Variants in DOCK1 observed in about 807,000 individuals in gnomAD.
The protein encoded by DOCK1 is dedicator of cytokinesis 1.
In DOCK1, 138 loss-of-function variants were observed where a neutral mutation model predicts 262.7. The ratio of observed to expected loss-of-function variants is 0.53; its 90% confidence interval spans 0.46 to 0.61. The LOEUF is 0.61. Ranked by LOEUF, DOCK1 falls within the 20% of genes least tolerant of loss-of-function variation. The pLI, the probability that DOCK1 is intolerant of heterozygous loss-of-function variation, is 0.00. For synonymous variants in DOCK1, 866 were observed against 867.4 expected (o/e 1.00, Z 0.03); for missense variants, 1,908 against 2,370.7 (o/e 0.80, Z 4.05).
At chr10:127,140,458 T>C (rs543230099) in intron 27 of DOCK1, among the ~76,000 whole-genome samples, 2 of 152,182 alleles carry the variant, frequency 1.3e-5, no homozygotes, top group Admixed American at 1.3e-4. Flanking sequence ...CCCCAGCCCA[T>C]CTCCCCATCT....
intron 38 of DOCK1, among the ~76,000 whole-genome samples, chr10:127,396,586 G>A (rs1196054775): frequency 6.6e-6 from 1 of 152,150 alleles, no homozygotes; most frequent in African/African-American, 2.4e-5. Context: ...GTGGCCAGTA[G>A]CTGCCTGTGG....
chr10:127,154,526 A>G (rs1289602252), intron 27 of DOCK1, among the ~76,000 whole-genome samples: 1 of 152,264 alleles, frequency 6.6e-6, no homozygotes, highest in Non-Finnish European at 1.5e-5. Context: ...GAAAATTTTT[A>G]TGAAAATACC....
Position 127,032,230 on chromosome 10 carries a change from A to C in DOCK1, c.1822A>C (p.Lys608Gln). 1.9e-6 allele frequency: 3 copies of C among 1,601,662 alleles called. No individual in the cohort carries two copies. Among genetic ancestry groups the C allele is most frequent in the Non-Finnish European group, 2.6e-6 (3 of 1,174,030 alleles). Residue 608 changes from lysine to glutamine, a missense_variant, in exon 18 of 52, where the codon AAG (lysine) becomes CAG (glutamine). Around this residue, in one of 9 missense-constraint regions of DOCK1, gnomAD observed 294 missense variants for 439.9 expected, o/e 0.67. Transcript: ENST00000623213. ...LEEKGHSATG[K>Q]SMQSLGSCTI... Reference sequence around the variant, plus strand: ...AGAAAAGGGCCACTCGGCCACCGGCAAGAGCATGCAGAGCCTTGGGAGCTG... The same window carrying C: ...AGAAAAGGGCCACTCGGCCACCGGCCAGAGCATGCAGAGCCTTGGGAGCTG...
intron 29 of DOCK1, among the ~76,000 whole-genome samples, chr10:127,321,421 A>G (rs1290569782): frequency 3.0e-5 from 4 of 134,150 alleles, no homozygotes; most frequent in African/African-American, 1.2e-4. Flanking sequence ...CTCTTTTCTC[A>G]GCCTTCTTTT....
chr10:127,022,970 G>A (rs2042552360), intron 13 of DOCK1, among the ~76,000 whole-genome samples: 1 of 152,116 alleles, frequency 6.6e-6, no homozygotes, highest in Admixed American at 6.6e-5. Flanking sequence ...TGATAACCAA[G>A]CAGATCATTG....
chr10:127,032,292 C>T lies in DOCK1; in HGVS notation c.1884C>T (p.Leu628=), dbSNP rs767446948. 18 of 1,579,760 alleles carry T rather than the reference C, an allele frequency of 1.1e-5. No individual in the cohort carries two copies. The highest frequency in any genetic ancestry group is 3.5e-5 in the South Asian group (3 of 84,758). ...AGGACTCCTTCCAGATCTCCACGCTCGTGTGCTCCACCAAACTGACTCAGA... is the reference window on the plus strand; with the variant it reads ...AGGACTCCTTCCAGATCTCCACGCTTGTGTGCTCCACCAAACTGACTCAGA... ...ISKDSFQIST[L]VCSTKLTQNV... Residue 628 remains leucine (L), a synonymous_variant, in exon 18 of 52, where the codon CTC becomes CTT. Transcript: ENST00000623213.
chr10:127,187,878 T>C (rs1013439605), intron 27 of DOCK1, among the ~76,000 whole-genome samples: 4 of 152,164 alleles, frequency 2.6e-5, no homozygotes, highest in African/African-American at 9.7e-5. Context: ...GTTCCACTGT[T>C]TGTTTTAAAT....
intron 21 of DOCK1, among the ~76,000 whole-genome samples, chr10:127,051,044 T>C (rs2044690714): frequency 2.0e-5 from 3 of 152,134 alleles, no homozygotes; most frequent in Admixed American, 6.5e-5. Context: ...GCTCCTAATA[T>C]ATAGTTTATT....
At chr10:127,188,579 C>A (rs927997128) in intron 27 of DOCK1, among the ~76,000 whole-genome samples, 1 of 152,094 alleles carries the variant, frequency 6.6e-6, no homozygotes, top group Non-Finnish European at 1.5e-5. Context: ...CAAGGTCTTC[C>A]CATGCTACCA....
intron 1 of DOCK1, among the ~76,000 whole-genome samples, chr10:126,969,309 G>A (rs1461070323): frequency 1.3e-5 from 2 of 152,186 alleles, no homozygotes; most frequent in African/African-American, 4.8e-5. Context: ...TTAGCTGTCT[G>A]TAGAGACCAT....
chr10:127,093,677 T>G (rs1283108153), intron 23 of DOCK1, among the ~76,000 whole-genome samples: 1 of 151,668 alleles, frequency 6.6e-6, no homozygotes, highest in Non-Finnish European at 1.5e-5. Context: ...CTTATAAAGA[T>G]AGTCATCATT....
At chr10:126,994,096 G>A (rs9418663) in intron 6 of DOCK1, among the ~76,000 whole-genome samples, 27,785 of 152,028 alleles carry the variant, frequency 0.18, 3,018 homozygotes, top group East Asian at 0.51. Flanking sequence ...TAATCCTAAC[G>A]GGTAAGAGGC....
intron 23 of DOCK1, among the ~76,000 whole-genome samples, chr10:127,099,752 C>A (rs773049857): frequency 5.3e-5 from 8 of 152,332 alleles, no homozygotes; most frequent in Non-Finnish European, 1.2e-4. Context: ...ACCTCCAACA[C>A]TGGGGATCAC....
chr10:127,248,696 A>C (rs190678303), intron 28 of DOCK1, among the ~76,000 whole-genome samples: 1 of 152,354 alleles, frequency 6.6e-6, no homozygotes, highest in East Asian at 1.9e-4. Context: ...ATCCTCTGCA[A>C]AGCTGCAACC....
At chr10:127,412,955 C>A (rs2067946922) in intron 43 of DOCK1, among the ~76,000 whole-genome samples, 1 of 152,178 alleles carries the variant, frequency 6.6e-6, no homozygotes, top group South Asian at 2.1e-4. Context: ...CAGGACTGGT[C>A]ACTACAGTGT....
In DOCK1 at chr10:127,176,495, G is replaced by A. The variant is rs1294875354; in HGVS notation, c.2847+48731G>A. 8 of 1,012,244 alleles carry A rather than the reference G, an allele frequency of 7.9e-6. No homozygotes were observed. In the South Asian group the frequency reaches 9.5e-5, roughly 12 times the overall value. 62.7% of individuals were successfully genotyped at this position (1,012,244 alleles called of 1,614,324 possible). On this transcript the variant is annotated intron_variant, in intron 27 of 51. Coordinates refer to ENST00000623213, the MANE Select transcript of DOCK1 (RefSeq NM_001290223.2). The surrounding 1 kb of genome is among the most constrained non-coding windows in gnomAD (Gnocchi z 4.4). Reference sequence around the variant, plus strand: ...CTTTTAGCCACCACGACGACTGCCTGTTTCCTAATTATATTTAAGCAGGTG... The same window carrying A: ...CTTTTAGCCACCACGACGACTGCCTATTTCCTAATTATATTTAAGCAGGTG...
chr10:126,972,334 C>G (rs759039925), intron 2 of DOCK1, among the ~76,000 whole-genome samples: 20 of 152,060 alleles, frequency 1.3e-4, no homozygotes, highest in Non-Finnish European at 2.6e-4. Flanking sequence ...TTTGAGCATG[C>G]CATATTTCAT....
rs907895472 is a variant in DOCK1 at position 127,175,002 on chromosome 10, A to G, written c.2847+47238A>G. Among the ~76,000 whole-genome samples the G allele has an allele frequency of 2.6e-5, 4 of 152,242 alleles. No homozygotes were observed. Among genetic ancestry groups the G allele is most frequent in the East Asian group, 3.9e-4 (2 of 5,192 alleles). Reference sequence around the variant, plus strand: ...TGAATTCAAGGCCAGAAAGATGAACATTAACCAGAAAGCGTATCGTGCAGG... The same window carrying G: ...TGAATTCAAGGCCAGAAAGATGAACGTTAACCAGAAAGCGTATCGTGCAGG... On this transcript the variant is annotated intron_variant, in intron 27 of 51. Transcript: ENST00000623213. This position sits in a 1 kb window ranked among gnomAD's most constrained non-coding sequence, Gnocchi z 6.3.
intron 46 of DOCK1, among the ~76,000 whole-genome samples, chr10:127,421,093 A>G (rs1163277468): frequency 6.6e-6 from 1 of 151,658 alleles, no homozygotes; most frequent in Non-Finnish European, 1.5e-5. Flanking sequence ...ATTTTTTTGT[A>G]CTTGTAATGG....
Sources: allele counts gnomAD v4.1 joint callset (sites outside exome capture counted in the v4.1 genomes callset), GRCh38; gene constraint gnomAD v4.1.1; regional missense constraint gnomAD v4.1.1; non-coding constraint Gnocchi (gnomAD v3.1); transcripts MANE v1.5; gene names NCBI Gene and HGNC (gene_info 2026-07-23, HGNC 2026-07-21).